Variants in IL15 observed in about 807,000 individuals in gnomAD.
The protein encoded by IL15 is interleukin-15.
In IL15, 11 loss-of-function variants were observed where a neutral mutation model predicts 19.6. That is an observed-to-expected ratio of 0.56 (90% CI 0.35 to 0.93). The LOEUF (loss-of-function observed/expected upper bound fraction) is 0.93, where lower values mean the gene tolerates loss of function less well. IL15 is among the 40% of genes least tolerant of loss of function. The pLI is 0.01. For missense variants in IL15, 197 were observed against 186.5 expected, an observed-to-expected ratio of 1.06 and a Z score of -0.33; for synonymous variants, 58 against 59.6, an observed-to-expected ratio of 0.97 and a Z score of 0.12.
intron 2 of IL15, among the ~76,000 whole-genome samples, chr4:141,690,315 C>T (rs909626840): frequency 3.3e-5 from 5 of 152,210 alleles, no homozygotes; most frequent in South Asian, 4.1e-4. Context: ...CACAGTGCAT[C>T]GGTGGGCTGA....
At chr4:141,699,732 A>G (rs927385316) in intron 2 of IL15, among the ~76,000 whole-genome samples, 6 of 152,084 alleles carry the variant, frequency 3.9e-5, no homozygotes, top group Non-Finnish European at 7.4e-5. Context: ...TGTTAGGTGC[A>G]TCTCTTGAAG....
chr4:141,694,076 G>A (rs767453455), intron 2 of IL15, among the ~76,000 whole-genome samples: 6 of 152,206 alleles, frequency 3.9e-5, no homozygotes, highest in Non-Finnish European at 7.3e-5. Flanking sequence ...CTGCACCAAT[G>A]GATGGTTTTA....
At chr4:141,637,523 C>A (rs1726900390) in intron 1 of IL15, among the ~76,000 whole-genome samples, 1 of 152,024 alleles carries the variant, frequency 6.6e-6, no homozygotes, top group African/African-American at 2.4e-5. Flanking sequence ...GAAATAAAAT[C>A]ATTATTCAAG....
intron 2 of IL15, among the ~76,000 whole-genome samples, chr4:141,661,773 C>T (rs1223547819): frequency 1.3e-5 from 2 of 152,076 alleles, no homozygotes; most frequent in Non-Finnish European, 2.9e-5. Context: ...ATATTGGCTC[C>T]CTCCGCCCTC....
intron 2 of IL15, among the ~76,000 whole-genome samples, chr4:141,694,916 T>G (rs1341739245): frequency 6.6e-6 from 1 of 152,164 alleles, no homozygotes; most frequent in African/African-American, 2.4e-5. Context: ...CCATTTCAAA[T>G]GTAATATCTA....
rs960062090 is a variant in IL15, at chr4:141,733,551, T to A, written c.*703T>A. ...TGTGCAAGCTTGTCCAATCACGGAT[T>A]GCAGGCCACATGCGGCCCAGGACAA... On this transcript the variant is annotated 3_prime_UTR_variant, in exon 8 of 8. Transcript: ENST00000320650. The A allele has an allele frequency of 1.3e-5, 2 of 152,238 alleles. No homozygotes were observed. The highest frequency in any genetic ancestry group is 4.8e-5 in the African/African-American group (2 of 41,446). The allele number at this position is 152,238 out of a possible 1,614,324, so 9.4% of individuals were successfully genotyped here. A position where few individuals can be genotyped will look rare whatever the true frequency, so the allele number is the denominator to read the frequency against.
intron 1 of IL15, among the ~76,000 whole-genome samples, chr4:141,650,260 A>G (rs1727359701): frequency 6.6e-6 from 1 of 152,102 alleles, no homozygotes; most frequent in South Asian, 2.1e-4. Context: ...CTATTTGGAC[A>G]TAATGGAATG....
intron 2 of IL15, among the ~76,000 whole-genome samples, chr4:141,701,093 A>G (rs1483037675): frequency 6.6e-6 from 1 of 151,734 alleles, no homozygotes; most frequent in Non-Finnish European, 1.5e-5. Flanking sequence ...TGAATAGTCA[A>G]CCTTCTGAAT....
chr4:141,639,902 A>T (rs1489191128), intron 1 of IL15, among the ~76,000 whole-genome samples: 1 of 152,198 alleles, frequency 6.6e-6, no homozygotes, highest in African/African-American at 2.4e-5. Context: ...GGAATGCACT[A>T]ACACCTATTT....
chr4:141,730,886 C>G (rs1430507254), intron 7 of IL15, among the ~76,000 whole-genome samples: 1 of 152,114 alleles, frequency 6.6e-6, no homozygotes, highest in Non-Finnish European at 1.5e-5. Flanking sequence ...ATAATCCCTG[C>G]TGTTAAAGAG....
At chr4:141,641,546 G>A (rs995500739) in intron 1 of IL15, among the ~76,000 whole-genome samples, 5 of 151,874 alleles carry the variant, frequency 3.3e-5, no homozygotes, top group Non-Finnish European at 7.4e-5. Flanking sequence ...TTGTAGGGAC[G>A]TGGATGAAGC....
At chr4:141,657,281 G>T (rs1727641202) in intron 2 of IL15, among the ~76,000 whole-genome samples, 1 of 152,164 alleles carries the variant, frequency 6.6e-6, no homozygotes, top group Non-Finnish European at 1.5e-5. Flanking sequence ...ACTGGAAGCT[G>T]CTCTGGTTGA....
At chr4:141,673,035 T>C (rs1049897799) in intron 2 of IL15, among the ~76,000 whole-genome samples, 1 of 152,192 alleles carries the variant, frequency 6.6e-6, no homozygotes, top group Admixed American at 6.5e-5. Flanking sequence ...TCTTCCTCAC[T>C]AGACTATGAG....
chr4:141,693,016 C>CAAAAAAAAAAAAAAAAAAAAAAAAAA lies in IL15; in HGVS notation c.-99-26349_-99-26324dup, dbSNP rs70949131. 1.5e-3 allele frequency among the ~76,000 whole-genome samples: 35 copies of CAAAAAAAAAAAAAAAAAAAAAAAAAA among 23,240 alleles called. 9 individuals are homozygous for CAAAAAAAAAAAAAAAAAAAAAAAAAA. Among genetic ancestry groups the CAAAAAAAAAAAAAAAAAAAAAAAAAA allele is most frequent in the African/African-American group, 2.5e-3 (16 of 6,314 alleles). 15.2% of individuals were successfully genotyped at this position (23,240 alleles called of 152,430 possible). On this transcript the variant is annotated intron_variant, in intron 2 of 7. Coordinates refer to ENST00000320650, the MANE Select transcript of IL15 (RefSeq NM_000585.5). ...AGGGGAACAGAGCAAGACTCCGTCT[C>CAAAAAAAAAAAAAAAAAAAAAAAAAA]AAAAAAAAAAAAAAAAAAAAAAAAA...
intron 2 of IL15, among the ~76,000 whole-genome samples, chr4:141,658,060 C>T (rs1727666589): frequency 6.6e-6 from 1 of 152,086 alleles, no homozygotes; most frequent in African/African-American, 2.4e-5. Context: ...ATTTGTGTCT[C>T]CATTGTTGGA....
intron 5 of IL15, among the ~76,000 whole-genome samples, chr4:141,722,463 C>A (rs147470432): frequency 3.9e-5 from 6 of 152,202 alleles, no homozygotes; most frequent in African/African-American, 1.4e-4. Context: ...CAAAATAGCA[C>A]CACAAAGTTC....
intron 1 of IL15, among the ~76,000 whole-genome samples, chr4:141,645,191 C>A (rs1422007239): frequency 1.3e-5 from 2 of 152,162 alleles, no homozygotes; most frequent in Non-Finnish European, 2.9e-5. Flanking sequence ...AGATAAAAGA[C>A]ATAACCAGAA....
intron 2 of IL15, among the ~76,000 whole-genome samples, chr4:141,665,276 G>T (rs558496406): frequency 6.6e-6 from 1 of 151,980 alleles, no homozygotes; most frequent in Admixed American, 6.6e-5. Context: ...AATGCTAAAC[G>T]TTTAATAAGA....
chr4:141,730,988 G>A (rs989891371), intron 7 of IL15, among the ~76,000 whole-genome samples: 2 of 152,150 alleles, frequency 1.3e-5, no homozygotes, highest in African/African-American at 2.4e-5. Flanking sequence ...CAGGGTAGGG[G>A]CACTGGGGCT....
Sources: gnomAD v4.1 joint callset for allele counts (sites outside exome capture counted in the v4.1 genomes callset) on GRCh38, gnomAD v4.1.1 for gene constraint, MANE v1.5 for transcripts, NCBI Gene and HGNC (gene_info 2026-07-23, HGNC 2026-07-21) for gene names.